The following ERC1 variants were observed in gnomAD, a reference collection of about 807,000 sequenced individuals.
The protein encoded by ERC1 is RAB6 interacting protein 2.
A neutral mutation model predicts 132.0 loss-of-function variants in ERC1; 56 were observed. The ratio of observed to expected loss-of-function variants is 0.42; its 90% CI spans 0.34 to 0.53. The LOEUF (loss-of-function observed/expected upper bound fraction) is 0.53. ERC1 is among the 20% of genes least tolerant of loss of function. The pLI is 0.03. For missense variants in ERC1, 1,202 were observed against 1,349.9 expected, an observed-to-expected ratio of 0.89 and a Z score of 1.72; for synonymous variants, 478 against 476.1, an observed-to-expected ratio of 1.00 and a Z score of -0.05.
At position 1,112,971 on chromosome 12, in the gene ERC1, C is replaced by T. The variant is rs1194805113; in HGVS notation, c.1401+673C>T. Among the ~76,000 whole-genome samples, 3 of 152,038 alleles carry T rather than the reference C, an allele frequency of 2.0e-5. No individual in the cohort carries two copies. The South Asian group carries it at 6.2e-4, about 32-fold the overall frequency. ...TGTTTAACCAACTGTTTTTTATTTTCAGGGTAAAAAAATGGATGTTGTGTC... is the reference window on the plus strand; with the variant it reads ...TGTTTAACCAACTGTTTTTTATTTTTAGGGTAAAAAAATGGATGTTGTGTC... On this transcript the variant is annotated intron_variant, in intron 6 of 18. Coordinates refer to ENST00000360905, the MANE Select transcript of ERC1 (RefSeq NM_178040.4).
intron 14 of ERC1, among the ~76,000 whole-genome samples, chr12:1,279,671 T>TA (rs1566469562): frequency 0.012 from 1,779 of 149,890 alleles, 39 homozygotes; most frequent in African/African-American, 0.041. Context: ...TTTTTTTTTT[T>TA]TAATTTTATT....
intron 18 of ERC1, among the ~76,000 whole-genome samples, chr12:1,463,116 C>G (rs1321446632): frequency 6.6e-6 from 1 of 152,036 alleles, no homozygotes; most frequent in Non-Finnish European, 1.5e-5. Context: ...CAGACTTATC[C>G]TCTCCTTGGA....
intron 12 of ERC1, among the ~76,000 whole-genome samples, chr12:1,198,025 A>T (rs2154281627): frequency 6.6e-6 from 1 of 152,068 alleles, no homozygotes; most frequent in Non-Finnish European, 1.5e-5. Context: ...TCTTGGGCTC[A>T]GGTGATCCGC....
chr12:1,143,729 G>A (rs1005833669), intron 8 of ERC1, among the ~76,000 whole-genome samples: 1 of 151,724 alleles, frequency 6.6e-6, no homozygotes, highest in Non-Finnish European at 1.5e-5. Flanking sequence ...GACAAGAATG[G>A]GGTATATCTT....
At chr12:1,456,283 G>T (rs1266158098) in intron 18 of ERC1, among the ~76,000 whole-genome samples, 1 of 152,180 alleles carries the variant, frequency 6.6e-6, no homozygotes, top group Non-Finnish European at 1.5e-5. Context: ...TGATTAAATA[G>T]ATTTGGTTTT....
chr12:1,246,323 C>A (rs61606731), intron 13 of ERC1, among the ~76,000 whole-genome samples: 1 of 150,484 alleles, frequency 6.6e-6, no homozygotes. Context: ...AGAAATGAAA[C>A]GTGAGCAAAA....
intron 17 of ERC1, among the ~76,000 whole-genome samples, chr12:1,440,668 G>GTGTGTGTGTGTGT (rs2093123666): frequency 7.5e-5 from 8 of 106,362 alleles, no homozygotes; most frequent in Admixed American, 3.0e-4. Context: ...GTGTGTGTGT[G>GTGTGTGTGTGTGT]ATGGAGTCTC....
At chr12:1,264,557 G>A (rs1312939234) in intron 14 of ERC1, among the ~76,000 whole-genome samples, 2 of 152,160 alleles carry the variant, frequency 1.3e-5, no homozygotes, top group East Asian at 1.9e-4. Context: ...CCAGCTACTC[G>A]GGAGGCTGAG....
intron 12 of ERC1, among the ~76,000 whole-genome samples, chr12:1,214,472 G>C (rs1388678627): frequency 6.6e-6 from 1 of 152,050 alleles, no homozygotes; most frequent in Non-Finnish European, 1.5e-5. Flanking sequence ...CATAGCGCTA[G>C]AGTTAGATAT....
chr12:1,245,772 G>T (rs1417325171), intron 13 of ERC1, among the ~76,000 whole-genome samples: 2 of 152,094 alleles, frequency 1.3e-5, no homozygotes, highest in African/African-American at 4.8e-5. Context: ...CCTTAGATAT[G>T]AATACTCTTC....
intron 15 of ERC1, among the ~76,000 whole-genome samples, chr12:1,352,687 C>T (rs1332660799): frequency 2.0e-5 from 3 of 150,750 alleles, no homozygotes; most frequent in African/African-American, 7.5e-5. Flanking sequence ...CTCTACTACA[C>T]TTGTCCATGC....
At chr12:1,414,582 G>A (rs17223490) in intron 17 of ERC1, among the ~76,000 whole-genome samples, 25,783 of 152,092 alleles carry the variant, frequency 0.17, 2,314 homozygotes, top group Middle Eastern at 0.23. Context: ...CTTAGTCTCC[G>A]CCCAACAGGG....
intron 15 of ERC1, among the ~76,000 whole-genome samples, chr12:1,350,760 G>A (rs896397816): frequency 3.3e-5 from 5 of 152,162 alleles, no homozygotes; most frequent in African/African-American, 1.2e-4. Flanking sequence ...AATGTAACAA[G>A]GTTTATTTAG....
chr12:1,178,418 T>C (rs1371583878), intron 8 of ERC1, among the ~76,000 whole-genome samples: 1 of 152,196 alleles, frequency 6.6e-6, no homozygotes, highest in East Asian at 1.9e-4. Context: ...GCAGGATCCA[T>C]GTCTACTTGA....
At chr12:1,345,664 A>G (rs1421136446) in intron 15 of ERC1, among the ~76,000 whole-genome samples, 1 of 152,184 alleles carries the variant, frequency 6.6e-6, no homozygotes, top group Non-Finnish European at 1.5e-5. Context: ...TTTTAATGAT[A>G]TAGTTTTATA....
chr12:1,102,233 C>T (rs766859616), intron 3 of ERC1, among the ~76,000 whole-genome samples: 1 of 151,658 alleles, frequency 6.6e-6, no homozygotes, highest in African/African-American at 2.4e-5. Context: ...TATTTTAGAT[C>T]GTATGGTTCA....
intron 16 of ERC1, among the ~76,000 whole-genome samples, chr12:1,375,516 G>A (rs1289465967): frequency 1.3e-5 from 2 of 152,142 alleles, no homozygotes; most frequent in African/African-American, 4.8e-5. Context: ...GACAGCTTTA[G>A]CAGGTCATCC....
intron 2 of ERC1, among the ~76,000 whole-genome samples, chr12:1,066,670 C>G (rs1439140666): frequency 6.6e-6 from 1 of 152,006 alleles, no homozygotes; most frequent in Non-Finnish European, 1.5e-5. Context: ...AACCTCATCT[C>G]TACTAAAAAT....
chr12:1,426,318 T>C (rs914573554), intron 17 of ERC1, among the ~76,000 whole-genome samples: 1 of 152,132 alleles, frequency 6.6e-6, no homozygotes, highest in Non-Finnish European at 1.5e-5. Flanking sequence ...TTGGCCAGGC[T>C]GGTCTCGAAC....
Sources: gnomAD v4.1 joint callset for allele counts (sites outside exome capture counted in the v4.1 genomes callset) on GRCh38, gnomAD v4.1.1 for gene constraint, MANE v1.5 for transcripts, NCBI Gene and HGNC (gene_info 2026-07-23, HGNC 2026-07-21) for gene names.